ARHGAP32: variants seen among roughly 807,000 people sequenced by gnomAD.
ARHGAP32 encodes Rho GTPase activating protein 32, also known as rho GTPase-activating protein 32.
In ARHGAP32, 51 loss-of-function variants were observed where a neutral mutation model predicts 186.5. That is an observed-to-expected ratio of 0.27 (90% confidence interval 0.22 to 0.35). The LOEUF is 0.35. ARHGAP32 is among the 10% of genes least tolerant of loss of function. The pLI, the probability that ARHGAP32 is intolerant of heterozygous loss-of-function variation, is 1.00. For missense variants in ARHGAP32, 2,186 were observed against 2,623.5 expected (o/e 0.83, Z 3.64); for synonymous variants, 950 against 964.3 (o/e 0.99, Z 0.27).
intron 1 of ARHGAP32, among the ~76,000 whole-genome samples, chr11:129,267,526 C>T (rs1004041207): frequency 2.1e-5 from 3 of 141,824 alleles, no homozygotes; most frequent in African/African-American, 7.9e-5. Flanking sequence ...TTCGAGACCC[C>T]GTCTCAAAAA....
Position 128,988,106 on chromosome 11 carries a change from G to A in ARHGAP32, c.1215C>T (p.Ser405=). 1.2e-6 allele frequency: 2 copies of A among 1,612,418 alleles called. No homozygotes were observed. Among genetic ancestry groups the A allele is most frequent in the Non-Finnish European group, 1.7e-6 (2 of 1,178,842 alleles). Residue 405 remains serine (S), a synonymous_variant, in exon 13 of 23, where the codon AGC becomes AGT. Coordinates refer to ENST00000682385, the MANE Select transcript of ARHGAP32 (RefSeq NM_001378024.1). ...CATATCTCTCAATGAATGCTGTGCA[G>A]CTTTGAAGAACCTGCGGCACTAAAG... ...SGFEVPQVLQ[S]CTAFIERYGI...
chr11:129,183,818 T>C (rs558016259), intron 1 of ARHGAP32, among the ~76,000 whole-genome samples: 2 of 152,204 alleles, frequency 1.3e-5, no homozygotes, highest in Admixed American at 1.3e-4. Context: ...GAATGTTCCC[T>C]GCAGAAAAGT....
intron 11 of ARHGAP32, among the ~76,000 whole-genome samples, chr11:129,037,918 T>C (rs1450949457): frequency 6.6e-6 from 1 of 151,678 alleles, no homozygotes; most frequent in Non-Finnish European, 1.5e-5. Flanking sequence ...CTGGCCAACA[T>C]GATGAAACCC....
At chr11:129,003,951 T>A (rs1450240822) in intron 11 of ARHGAP32, among the ~76,000 whole-genome samples, 1 of 152,096 alleles carries the variant, frequency 6.6e-6, no homozygotes, top group Non-Finnish European at 1.5e-5. Flanking sequence ...TCTAATTCTT[T>A]AAAATACATT....
chr11:129,035,453 G>A (rs1378800281), intron 11 of ARHGAP32, among the ~76,000 whole-genome samples: 5 of 152,126 alleles, frequency 3.3e-5, no homozygotes, highest in Non-Finnish European at 7.4e-5. Context: ...AAAATAAATA[G>A]AACATTCAAG....
At chr11:129,274,906 T>TTAAAAAA in intron 1 of ARHGAP32, among the ~76,000 whole-genome samples, 1 of 135,274 alleles carries the variant, frequency 7.4e-6, no homozygotes, top group Non-Finnish European at 1.6e-5. Context: ...TTCATCTTTC[T>TTAAAAAA]AAAAAAAAAA....
intron 11 of ARHGAP32, among the ~76,000 whole-genome samples, chr11:129,013,173 T>C (rs1463577719): frequency 6.6e-6 from 1 of 152,148 alleles, no homozygotes; most frequent in Non-Finnish European, 1.5e-5. Context: ...AGCATAAAAT[T>C]AAGATAATGG....
intron 6 of ARHGAP32, among the ~76,000 whole-genome samples, chr11:129,087,958 C>T (rs566728217): frequency 1.0e-3 from 152 of 152,188 alleles, no homozygotes; most frequent in Non-Finnish European, 1.8e-3. Flanking sequence ...AGTAGTGTTA[C>T]TCAAAAAAAT....
intron 1 of ARHGAP32, among the ~76,000 whole-genome samples, chr11:129,203,730 A>AC (rs973548192): frequency 2.0e-5 from 3 of 149,092 alleles, no homozygotes; most frequent in Non-Finnish European, 3.0e-5. Flanking sequence ...AAAAAAAAAA[A>AC]AAAAAGAAAG....
intron 5 of ARHGAP32, among the ~76,000 whole-genome samples, chr11:129,122,939 T>C (rs1375381473): frequency 6.6e-6 from 1 of 152,120 alleles, no homozygotes; most frequent in African/African-American, 2.4e-5. Context: ...AATATATATA[T>C]AATGTACAAA....
chr11:129,188,962 T>C (rs1944220888), intron 1 of ARHGAP32, among the ~76,000 whole-genome samples: 1 of 152,166 alleles, frequency 6.6e-6, no homozygotes, highest in African/African-American at 2.4e-5. Context: ...TGATAAACAT[T>C]TCTACCTTCA....
chr11:129,212,666 G>C (rs1591699834), intron 1 of ARHGAP32, among the ~76,000 whole-genome samples: 1 of 152,212 alleles, frequency 6.6e-6, no homozygotes, highest in Non-Finnish European at 1.5e-5. Flanking sequence ...TAGTACAATT[G>C]TAATGTTTTA....
intron 1 of ARHGAP32, among the ~76,000 whole-genome samples, chr11:129,269,686 C>T (rs972077902): frequency 2.0e-5 from 3 of 152,138 alleles, no homozygotes; most frequent in Non-Finnish European, 4.4e-5. Flanking sequence ...ATGATCACTC[C>T]ATCCTGGGTG....
intron 2 of ARHGAP32, among the ~76,000 whole-genome samples, chr11:129,161,515 G>C (rs973212740): frequency 8.6e-5 from 13 of 151,342 alleles, no homozygotes; most frequent in African/African-American, 2.9e-4. Flanking sequence ...CTTCTCAAAA[G>C]AAGACATTTA....
chr11:129,189,730 A>C (rs781401898), intron 1 of ARHGAP32, among the ~76,000 whole-genome samples: 3 of 152,188 alleles, frequency 2.0e-5, no homozygotes, highest in Non-Finnish European at 4.4e-5. Flanking sequence ...ATAGTGAAAG[A>C]GTGTTAATAA....
rs201010312 is a variant in ARHGAP32 at position 129,037,712 on chromosome 11, T to A, written c.1045+3216A>T. Among the ~76,000 whole-genome samples the A allele has an allele frequency of 2.0e-4, 30 of 151,798 alleles. 1 individual carries two copies. In the East Asian group the frequency reaches 5.4e-3, roughly 27 times the overall value. ...GGGCCCAGAAAAGCCAAATCAACCCTTAAAAAGAAGAAAAAAGTAGGATGA... is the reference window on the plus strand; with the variant it reads ...GGGCCCAGAAAAGCCAAATCAACCCATAAAAAGAAGAAAAAAGTAGGATGA... On this transcript the variant is annotated intron_variant, in intron 11 of 22. Coordinates refer to ENST00000682385, the MANE Select transcript of ARHGAP32 (RefSeq NM_001378024.1).
intron 7 of ARHGAP32, among the ~76,000 whole-genome samples, chr11:129,065,592 G>C (rs968508441): frequency 1.3e-5 from 2 of 152,014 alleles, no homozygotes; most frequent in Admixed American, 1.3e-4. Context: ...GCAGATAAAG[G>C]GACTTTCAGG....
intron 2 of ARHGAP32, among the ~76,000 whole-genome samples, chr11:129,158,077 A>T (rs1387542767): frequency 6.6e-6 from 1 of 152,218 alleles, no homozygotes; most frequent in East Asian, 1.9e-4. Flanking sequence ...TTAAGGAAGC[A>T]CTACATATGG....
Position 129,063,896 on chromosome 11 carries a change from A to G in ARHGAP32, c.885+6T>C, listed in dbSNP as rs760594765. On this transcript the variant is annotated splice_donor_region_variant and intron_variant, in intron 9 of 22. Transcript: ENST00000682385. The stretch of plus-strand genomic sequence containing the variant: ...CAAATAACAAACAACCACTTTAACT[A>G]TTTACCTCTAAGGTCAGTTCGTCAG... 1.3e-6 allele frequency: 2 copies of G among 1,599,588 alleles called. No homozygotes were observed. Among genetic ancestry groups the G allele is most frequent in the African/African-American group, 2.7e-5 (2 of 74,096 alleles).
Sources: allele counts gnomAD v4.1 joint callset (sites outside exome capture counted in the v4.1 genomes callset), GRCh38; gene constraint gnomAD v4.1.1; transcripts MANE v1.5; gene names NCBI Gene and HGNC (gene_info 2026-07-23, HGNC 2026-07-21).